KCNH1: variants seen among roughly 807,000 people sequenced by gnomAD.
KCNH1 encodes the protein voltage-gated delayed rectifier potassium channel KCNH1.
KCNH1 carries 27 observed loss-of-function variants against 69.2 expected under a neutral mutation model. The observed-to-expected ratio is 0.39, with a 90% CI of 0.29 to 0.54. KCNH1 has a LOEUF of 0.54. Among genes scored for constraint, KCNH1 ranks in the 20% least tolerant of loss-of-function variants. The pLI is 0.68. For synonymous variants in KCNH1, 456 were observed against 487.7 expected (o/e 0.93, Z 0.86); for missense variants, 798 against 1,261.6 (o/e 0.63, Z 5.57).
At chr1:210,699,471 C>T (rs1183993970) in intron 10 of KCNH1, among the ~76,000 whole-genome samples, 13 of 152,194 alleles carry the variant, frequency 8.5e-5, no homozygotes, top group Non-Finnish European at 2.9e-5. Context: ...TTTGAGAAGC[C>T]GTCTTTGGAG....
intron 3 of KCNH1, among the ~76,000 whole-genome samples, chr1:211,095,339 TA>T (rs1258001016): frequency 6.6e-6 from 1 of 152,204 alleles, no homozygotes; most frequent in Non-Finnish European, 1.5e-5. Flanking sequence ...TAGCACTTGA[TA>T]ACCCTACTGA....
intron 1 of KCNH1, among the ~76,000 whole-genome samples, chr1:211,110,123 T>G (rs535464634): frequency 5.9e-5 from 9 of 152,128 alleles, no homozygotes; most frequent in African/African-American, 2.2e-4. Context: ...CAGAGGACAT[T>G]CTCTTTAAAA....
chr1:210,991,295 G>A (rs1198835737), intron 6 of KCNH1, among the ~76,000 whole-genome samples: 1 of 152,070 alleles, frequency 6.6e-6, no homozygotes, highest in Non-Finnish European at 1.5e-5. Flanking sequence ...AGAAAATCTT[G>A]TCATTTGCAA....
At chr1:210,860,347 TG>T in intron 7 of KCNH1, 2 of 1,454,336 alleles carry the variant, frequency 1.4e-6, no homozygotes, top group South Asian at 2.3e-5. Flanking sequence ...GACATGCTGT[TG>T]TAAAACAGTA....
chr1:211,040,654 G>A (rs1408279725), intron 5 of KCNH1, among the ~76,000 whole-genome samples: 2 of 152,130 alleles, frequency 1.3e-5, no homozygotes, highest in African/African-American at 4.8e-5. Context: ...TTCGTGTCCA[G>A]TAAATATCAT....
At chr1:210,901,087 C>A (rs191969490) in intron 7 of KCNH1, among the ~76,000 whole-genome samples, 9 of 152,092 alleles carry the variant, frequency 5.9e-5, no homozygotes, top group Admixed American at 3.9e-4. Flanking sequence ...CCCCATAAGC[C>A]AACTCTCTAC....
intron 5 of KCNH1, among the ~76,000 whole-genome samples, chr1:211,032,167 T>A (rs569687928): frequency 6.6e-6 from 1 of 152,168 alleles, no homozygotes; most frequent in South Asian, 2.1e-4. Context: ...CACAGTAGCT[T>A]CAAAGAGAAT....
At chr1:210,834,842 G>A (rs1235436653) in intron 7 of KCNH1, among the ~76,000 whole-genome samples, 1 of 152,106 alleles carries the variant, frequency 6.6e-6, no homozygotes, top group Non-Finnish European at 1.5e-5. Context: ...GAGCCAGGAA[G>A]TAGGCCTTCA....
intron 7 of KCNH1, among the ~76,000 whole-genome samples, chr1:210,827,257 A>G (rs1345720659): frequency 6.6e-6 from 1 of 151,936 alleles, no homozygotes; most frequent in Non-Finnish European, 1.5e-5. Flanking sequence ...AATTGCTTGA[A>G]CCTGGGAGAT....
At chr1:210,764,754 G>A (rs1186207360) in intron 10 of KCNH1, among the ~76,000 whole-genome samples, 1 of 152,212 alleles carries the variant, frequency 6.6e-6, no homozygotes, top group Non-Finnish European at 1.5e-5. Flanking sequence ...CTTACATACT[G>A]TTGGTGGGAA....
intron 7 of KCNH1, among the ~76,000 whole-genome samples, chr1:210,870,648 A>T (rs1686219408): frequency 6.6e-6 from 1 of 152,150 alleles, no homozygotes; most frequent in Non-Finnish European, 1.5e-5. Flanking sequence ...TAAGTCATAA[A>T]TCTTAGTTCC....
intron 10 of KCNH1, among the ~76,000 whole-genome samples, chr1:210,715,080 C>G (rs1272634933): frequency 6.6e-6 from 1 of 152,204 alleles, no homozygotes; most frequent in Non-Finnish European, 1.5e-5. Context: ...CAGGAAGACT[C>G]TGCCTCAATA....
chr1:210,818,210 G>A (rs1357162447), intron 7 of KCNH1, among the ~76,000 whole-genome samples: 2 of 152,048 alleles, frequency 1.3e-5, no homozygotes, highest in Admixed American at 1.3e-4. Context: ...ATTATACAGG[G>A]TTTATTCATG....
intron 4 of KCNH1, 43 bp downstream of exon 4, chr1:211,090,518 AC>A (rs1691034177): frequency 1.1e-5 from 17 of 1,545,294 alleles, no homozygotes; most frequent in Non-Finnish European, 1.4e-5. Flanking sequence ...CACAATAAAG[AC>A]AAAAAAGGCA....
intron 8 of KCNH1, 131 bp downstream of exon 8, chr1:210,803,836 C>T (rs1684476603): frequency 1.4e-6 from 1 of 737,574 alleles, no homozygotes; most frequent in South Asian, 1.8e-5. Flanking sequence ...GGAGGTAGGA[C>T]CTGGAATCCC....
At chr1:211,046,964 C>A in intron 5 of KCNH1, among the ~76,000 whole-genome samples, 1 of 151,300 alleles carries the variant, frequency 6.6e-6, no homozygotes, top group South Asian at 2.1e-4. Flanking sequence ...TTAGCAGCCA[C>A]AAAAAAAAGT....
chr1:211,050,285 A>AAAAAAAAAAAAAAAC (rs1690176500), intron 5 of KCNH1, among the ~76,000 whole-genome samples: 1 of 137,146 alleles, frequency 7.3e-6, no homozygotes, highest in Non-Finnish European at 1.6e-5. Flanking sequence ...AAAAAAAAAA[A>AAAAAAAAAAAAAAAC]AAAAAGGACA....
At chr1:210,977,403 C>T (rs1315424143) in intron 6 of KCNH1, among the ~76,000 whole-genome samples, 1 of 152,000 alleles carries the variant, frequency 6.6e-6, no homozygotes, top group East Asian at 1.9e-4. Flanking sequence ...TGTAACAAAC[C>T]TGCACGTTGT....
chr1:210,840,031 C>A (rs563028736), intron 7 of KCNH1, among the ~76,000 whole-genome samples: 9 of 152,254 alleles, frequency 5.9e-5, no homozygotes, highest in African/African-American at 1.7e-4. Flanking sequence ...CAGAGAGAGA[C>A]AGTCCTGATG....
Sources: gnomAD v4.1 joint callset for allele counts (sites outside exome capture counted in the v4.1 genomes callset) on GRCh38, gnomAD v4.1.1 for gene constraint, MANE v1.5 for transcripts, NCBI Gene and HGNC (gene_info 2026-07-23, HGNC 2026-07-21) for gene names.